MAML3: variants seen among roughly 807,000 people sequenced by gnomAD.
MAML3 encodes mastermind-like protein 3.
In MAML3, 27 loss-of-function variants were observed where a neutral mutation model predicts 101.9. That is an observed-to-expected ratio of 0.27 (90% confidence interval 0.20 to 0.37). The LOEUF (loss-of-function observed/expected upper bound fraction) is 0.37, where lower values mean the gene tolerates loss of function less well. MAML3 is among the 10% of genes least tolerant of loss of function. The probability of loss-of-function intolerance (pLI) is 1.00; values close to 1 mark genes in which losing one functional copy is unlikely to be tolerated. For missense variants in MAML3, 1,316 were observed against 1,444.9 expected (o/e 0.91, Z 1.45); for synonymous variants, 501 against 555.9 (o/e 0.90, Z 1.39).
chr4:139,931,888 T>G (rs1200178997), intron 1 of MAML3, among the ~76,000 whole-genome samples: 1 of 151,148 alleles, frequency 6.6e-6, no homozygotes, highest in African/African-American at 2.4e-5. Context: ...GCATGATGGC[T>G]GGCACCTGTA....
intron 1 of MAML3, among the ~76,000 whole-genome samples, chr4:139,899,714 T>C (rs547038821): frequency 4.3e-4 from 65 of 152,262 alleles, no homozygotes; most frequent in Non-Finnish European, 8.2e-4. Flanking sequence ...GGTAATCTTA[T>C]AGACTCCTAA....
intron 1 of MAML3, among the ~76,000 whole-genome samples, chr4:140,110,188 GA>G (rs2111009847): frequency 6.6e-6 from 1 of 152,290 alleles, no homozygotes; most frequent in East Asian, 1.9e-4. Flanking sequence ...TTTGAGTAAG[GA>G]AATCAGACGG....
intron 2 of MAML3, among the ~76,000 whole-genome samples, chr4:139,764,291 C>A (rs915013822): frequency 4.6e-5 from 7 of 152,194 alleles, no homozygotes; most frequent in Non-Finnish European, 8.8e-5. Flanking sequence ...CCCTTATCAG[C>A]AACTCCACGC....
intron 2 of MAML3, among the ~76,000 whole-genome samples, chr4:139,885,958 G>A (rs7661265): frequency 0.027 from 2,708 of 102,050 alleles, 108 homozygotes; most frequent in African/African-American, 0.031. Flanking sequence ...AAAAAAAAAA[G>A]AAAGAGAAAA....
At chr4:139,932,372 C>A (rs781043511) in intron 1 of MAML3, among the ~76,000 whole-genome samples, 2 of 152,096 alleles carry the variant, frequency 1.3e-5, no homozygotes, top group African/African-American at 2.4e-5. Flanking sequence ...TCATTGATCT[C>A]AAGATTATGC....
intron 2 of MAML3, among the ~76,000 whole-genome samples, chr4:139,842,760 GC>G (rs1452925074): frequency 8.6e-4 from 64 of 74,786 alleles, no homozygotes; most frequent in Non-Finnish European, 1.0e-3. Flanking sequence ...TTATCCGCTT[GC>G]CTTTTTTTTT....
chr4:140,002,893 C>T (rs894093336), intron 1 of MAML3, among the ~76,000 whole-genome samples: 3 of 152,214 alleles, frequency 2.0e-5, no homozygotes, highest in African/African-American at 7.2e-5. Context: ...CCTACTTTAC[C>T]AGCAGCAGTG....
intron 1 of MAML3, among the ~76,000 whole-genome samples, chr4:140,118,154 T>C (rs1360576636): frequency 3.3e-5 from 5 of 151,880 alleles, no homozygotes; most frequent in East Asian, 3.9e-4. Flanking sequence ...GTTAAAATAT[T>C]TGTGGGTTTG....
Position 140,136,010 on chromosome 4 carries a change from T to C in MAML3, c.468+16850A>G, listed in dbSNP as rs560233298. 1.3e-4 allele frequency among the ~76,000 whole-genome samples: 20 copies of C among 152,158 alleles called. 1 individual carries two copies. In the South Asian group the frequency reaches 4.1e-3, roughly 32 times the overall value. ...ATTCAAGGAACAAAAGACTTAAGAA[T>C]GGGGTGGCAGGAAGAGGAGCAACTC... On this transcript the variant is annotated intron_variant, in intron 1 of 4. Transcript: ENST00000509479.
chr4:140,068,101 A>C (rs1727571020), intron 1 of MAML3, among the ~76,000 whole-genome samples: 2 of 152,154 alleles, frequency 1.3e-5, no homozygotes, highest in African/African-American at 4.8e-5. Flanking sequence ...GAAACCTTGG[A>C]AGTCACACAG....
At position 140,038,424 on chromosome 4, in the gene MAML3, C is replaced by T. The variant is rs1347566867; in HGVS notation, c.468+114436G>A. On this transcript the variant is annotated intron_variant, in intron 1 of 4. Coordinates refer to ENST00000509479, the MANE Select transcript of MAML3 (RefSeq NM_018717.5). ...ATCAGTATGGAGAGATCCTACATGG[C>T]TTCTGATATTTTTATGGGTGTGTCT... Among the ~76,000 whole-genome samples the T allele has an allele frequency of 7.9e-5, 12 of 152,316 alleles. No individual in the cohort carries two copies. The East Asian group carries it at 2.3e-3, about 29-fold the overall frequency.
chr4:139,833,692 G>T (rs983630266), intron 2 of MAML3, among the ~76,000 whole-genome samples: 1 of 152,140 alleles, frequency 6.6e-6, no homozygotes, highest in African/African-American at 2.4e-5. Flanking sequence ...TTATTCAAAG[G>T]CTGCAGTGCC....
intron 1 of MAML3, among the ~76,000 whole-genome samples, chr4:140,074,222 A>AG (rs1560885551): frequency 5.2e-4 from 64 of 124,106 alleles, no homozygotes; most frequent in Admixed American, 9.5e-4. Context: ...AGAAAGAAAG[A>AG]AAGAAAGAAA....
chr4:139,868,243 C>A (rs1731937047), intron 2 of MAML3, among the ~76,000 whole-genome samples: 1 of 152,162 alleles, frequency 6.6e-6, no homozygotes, highest in South Asian at 2.1e-4. Context: ...AAGAAACACT[C>A]CCTGTTCAAT....
At chr4:139,762,999 TG>T (rs1369029425) in intron 2 of MAML3, among the ~76,000 whole-genome samples, 5 of 152,214 alleles carry the variant, frequency 3.3e-5, no homozygotes, top group African/African-American at 1.2e-4. Context: ...TCCTGGTCTA[TG>T]AAGGCCTGCA....
intron 2 of MAML3, among the ~76,000 whole-genome samples, chr4:139,830,582 T>C (rs1034190727): frequency 3.3e-5 from 5 of 151,708 alleles, no homozygotes; most frequent in African/African-American, 1.2e-4. Context: ...GCCATGCTAA[T>C]TTTTTATATT....
chr4:140,069,360 G>GAGAAGA (rs1343566107), intron 1 of MAML3, among the ~76,000 whole-genome samples: 2 of 33,752 alleles, frequency 5.9e-5, no homozygotes, highest in Non-Finnish European at 8.4e-5. Context: ...GAAGGAGAAG[G>GAGAAGA]AGAAGAAGAA....
intron 1 of MAML3, among the ~76,000 whole-genome samples, chr4:139,951,157 A>C (rs1322600547): frequency 1.3e-5 from 2 of 152,144 alleles, no homozygotes; most frequent in Admixed American, 6.5e-5. Context: ...CATCCTACCC[A>C]AACCACAAAG....
chr4:139,769,990 G>T (rs1474935844), intron 2 of MAML3, among the ~76,000 whole-genome samples: 5 of 149,214 alleles, frequency 3.4e-5, no homozygotes. Flanking sequence ...CACAATCAAG[G>T]TTCACTGCAG....
Sources: allele counts gnomAD v4.1 joint callset (sites outside exome capture counted in the v4.1 genomes callset), GRCh38; gene constraint gnomAD v4.1.1; transcripts MANE v1.5; gene names NCBI Gene and HGNC (gene_info 2026-07-23, HGNC 2026-07-21).